Variants in DCDC1 observed in about 807,000 individuals in gnomAD.
DCDC1 encodes doublecortin domain containing 1.
Under a neutral mutation model 178.3 loss-of-function variants are expected in DCDC1, and 200 were observed. That is an observed-to-expected ratio of 1.12 (90% CI 1.00 to 1.26). The LOEUF (loss-of-function observed/expected upper bound fraction) is 1.26. Ranked by LOEUF, DCDC1 falls within the 50% of genes most tolerant of loss-of-function variation. The probability of loss-of-function intolerance (pLI) is 0.00; values close to 1 mark genes in which losing one functional copy is unlikely to be tolerated. For missense variants in DCDC1, 1,983 were observed against 1,749.2 expected (o/e 1.13, Z -2.38); for synonymous variants, 690 against 604.8 (o/e 1.14, Z -2.07).
chr11:31,277,709 T>C (rs946457010), intron 7 of DCDC1, among the ~76,000 whole-genome samples: 1 of 152,146 alleles, frequency 6.6e-6, no homozygotes, highest in African/African-American at 2.4e-5. Context: ...TTGATTTCTA[T>C]GTCTTCTTAG....
At chr11:31,088,916 T>C (rs1163381726) in intron 17 of DCDC1, among the ~76,000 whole-genome samples, 1 of 152,094 alleles carries the variant, frequency 6.6e-6, no homozygotes, top group Non-Finnish European at 1.5e-5. Context: ...CCCATGCTGG[T>C]CTCAAATTCC....
At chr11:31,170,742 C>G (rs767206030) in intron 9 of DCDC1, among the ~76,000 whole-genome samples, 11 of 152,174 alleles carry the variant, frequency 7.2e-5, no homozygotes, top group Non-Finnish European at 1.0e-4. Flanking sequence ...TATAGGTTTA[C>G]TCTTTAGGCA....
Position 30,909,044 on chromosome 11 carries a change from C to T in DCDC1, c.3820G>A (p.Ala1274Thr), listed in dbSNP as rs1185701347. 3 of 1,611,984 alleles carry T rather than the reference C, an allele frequency of 1.9e-6. No homozygotes were observed. Among genetic ancestry groups the T allele is most frequent in the Non-Finnish European group, 2.5e-6 (3 of 1,178,752 alleles). Residue 1274 changes from alanine to threonine, a missense_variant, in exon 29 of 39, where the codon GCC (alanine) becomes ACC (threonine). Physicochemically the swap from Ala to Thr is moderately conservative, Grantham distance 58. Coordinates refer to ENST00000684477, the MANE Select transcript of DCDC1 (RefSeq NM_001387274.1). ...TTATCCAAGGCAGTGCTATGAAAGG[C>T]CACAAGTGCTTTTATATTTTTCATG... Reference protein sequence around the residue: ...HYMKNIKALVAFHSTALDKEI... With the variant: ...HYMKNIKALVTFHSTALDKEI...
chr11:31,115,649 T>C (rs527828001), intron 11 of DCDC1, among the ~76,000 whole-genome samples: 1 of 152,228 alleles, frequency 6.6e-6, no homozygotes, highest in South Asian at 2.1e-4. Flanking sequence ...AAGGTTAACT[T>C]ACATGTTGTC....
chr11:31,238,156 G>A (rs1976674995), intron 9 of DCDC1, among the ~76,000 whole-genome samples: 1 of 151,856 alleles, frequency 6.6e-6, no homozygotes, highest in Non-Finnish European at 1.5e-5. Context: ...GGTTGGCGGG[G>A]AAATTCAAAC....
chr11:31,147,633 G>A (rs1964589203), intron 9 of DCDC1, among the ~76,000 whole-genome samples: 1 of 152,186 alleles, frequency 6.6e-6, no homozygotes, highest in African/African-American at 2.4e-5. Flanking sequence ...AGGTTCCAAG[G>A]AATAGATACT....
chr11:31,188,159 T>C (rs1470447731), intron 9 of DCDC1, among the ~76,000 whole-genome samples: 1 of 151,948 alleles, frequency 6.6e-6, no homozygotes, highest in Non-Finnish European at 1.5e-5. Context: ...CCCTGTACAG[T>C]AGGTATATTC....
chr11:31,070,911 T>G (rs1304570912), intron 18 of DCDC1, among the ~76,000 whole-genome samples: 3 of 152,154 alleles, frequency 2.0e-5, no homozygotes, highest in African/African-American at 7.2e-5. Context: ...CACCTGGAAT[T>G]TTAAACTCCA....
chr11:31,294,503 A>G (rs1453322074), intron 6 of DCDC1, among the ~76,000 whole-genome samples: 1 of 148,598 alleles, frequency 6.7e-6, no homozygotes, highest in Non-Finnish European at 1.5e-5. Context: ...GAATTGCTTG[A>G]ACTCGGGAGG....
intron 1 of DCDC1, among the ~76,000 whole-genome samples, chr11:31,345,821 T>C (rs1950785945): frequency 6.6e-6 from 1 of 152,024 alleles, no homozygotes. Context: ...GAATCATAGC[T>C]AATAAATATA....
intron 21 of DCDC1, among the ~76,000 whole-genome samples, chr11:30,932,664 G>A (rs1199117871): frequency 1.3e-5 from 2 of 152,108 alleles, no homozygotes; most frequent in African/African-American, 4.8e-5. Context: ...TAAGTATGAC[G>A]ACAGGTTACA....
At chr11:30,869,155 T>G (rs1196289476) in intron 38 of DCDC1, among the ~76,000 whole-genome samples, 1 of 152,228 alleles carries the variant, frequency 6.6e-6, no homozygotes. Flanking sequence ...TGGAGTGTTT[T>G]GAAAGGTACA....
At chr11:31,242,682 C>T (rs1977308646) in intron 8 of DCDC1, among the ~76,000 whole-genome samples, 1 of 151,822 alleles carries the variant, frequency 6.6e-6, no homozygotes, top group Non-Finnish European at 1.5e-5. Context: ...TTATATGTTG[C>T]ATATTTTATG....
At position 31,127,697 on chromosome 11, in the gene DCDC1, A is replaced by G. The variant is rs975084241; in HGVS notation, c.1315-58T>C. On this transcript the variant is annotated intron_variant, in intron 10 of 38. Coordinates refer to ENST00000684477, the MANE Select transcript of DCDC1 (RefSeq NM_001387274.1). ...AGAAGTAATTGTTGATGTCACACCT[A>G]TTAGATTTTTGAGTACCTAGCTTGA... 5.9e-6 allele frequency: 4 copies of G among 672,292 alleles called. No homozygotes were observed. The Admixed American group carries it at 6.4e-5, about 11-fold the overall frequency. 41.6% of individuals were successfully genotyped at this position (672,292 alleles called of 1,614,324 possible).
intron 20 of DCDC1, among the ~76,000 whole-genome samples, chr11:30,981,759 G>C (rs1318462013): frequency 1.3e-5 from 2 of 152,088 alleles, no homozygotes; most frequent in Non-Finnish European, 2.9e-5. Flanking sequence ...TCTGTTCAAC[G>C]TTTCAGTCAT....
chr11:30,989,564 G>C (rs2134903562), intron 20 of DCDC1, among the ~76,000 whole-genome samples: 1 of 152,198 alleles, frequency 6.6e-6, no homozygotes, highest in South Asian at 2.1e-4. Context: ...GACATTTAAA[G>C]TACATTTAAC....
chr11:31,130,119 T>C (rs566396651), intron 10 of DCDC1, among the ~76,000 whole-genome samples: 2 of 152,274 alleles, frequency 1.3e-5, no homozygotes, highest in East Asian at 1.9e-4. Context: ...TTAAAGTGTA[T>C]GTCGCTTGAT....
At chr11:31,305,326 A>G (rs1948383226) in intron 6 of DCDC1, among the ~76,000 whole-genome samples, 1 of 152,192 alleles carries the variant, frequency 6.6e-6, no homozygotes, top group Non-Finnish European at 1.5e-5. Flanking sequence ...TAAATTCAAT[A>G]ATCTCTGATT....
chr11:31,073,006 T>C (rs1295253254), intron 18 of DCDC1, among the ~76,000 whole-genome samples: 1 of 152,128 alleles, frequency 6.6e-6, no homozygotes, highest in Non-Finnish European at 1.5e-5. Context: ...TAACATGAGC[T>C]CCATTTATGA....
Sources: gnomAD v4.1 joint callset for allele counts (sites outside exome capture counted in the v4.1 genomes callset) on GRCh38, gnomAD v4.1.1 for gene constraint, MANE v1.5 for transcripts, NCBI Gene and HGNC (gene_info 2026-07-23, HGNC 2026-07-21) for gene names.